PPP6R3: variants seen among roughly 807,000 people sequenced by gnomAD.
PPP6R3 encodes serine/threonine-protein phosphatase 6 regulatory subunit 3.
PPP6R3 carries 38 observed loss-of-function variants against 110.7 expected under a neutral mutation model. That is an observed-to-expected ratio of 0.34 (90% CI 0.26 to 0.45). The LOEUF is 0.45. PPP6R3 is among the 20% of genes least tolerant of loss of function. The probability of loss-of-function intolerance (pLI) is 1.00; values close to 1 mark genes in which losing one functional copy is unlikely to be tolerated. For missense variants in PPP6R3, 870 were observed against 1,062.4 expected, an observed-to-expected ratio of 0.82 and a Z score of 2.52; for synonymous variants, 369 against 373.5, an observed-to-expected ratio of 0.99 and a Z score of 0.14.
intron 22 of PPP6R3, among the ~76,000 whole-genome samples, chr11:68,604,006 GAGAAT>G (rs1207746752): frequency 6.6e-6 from 1 of 152,188 alleles, no homozygotes; most frequent in Non-Finnish European, 1.5e-5. Flanking sequence ...CTAAAACTGA[GAGAAT>G]AATGGGAAAA....
Position 68,545,042 on chromosome 11 carries a change from A to G in PPP6R3, c.414+18A>G, listed in dbSNP as rs776698774. 3.8e-6 allele frequency: 6 copies of G among 1,560,908 alleles called. No individual in the cohort carries two copies. Among genetic ancestry groups the G allele is most frequent in the Non-Finnish European group, 5.3e-6 (6 of 1,133,636 alleles). On this transcript the variant is annotated intron_variant, in intron 4 of 23. Coordinates refer to ENST00000393800, the MANE Select transcript of PPP6R3 (RefSeq NM_001164161.2). ...CAGAACAGGTAAATATGATTTTCCA[A>G]AAGGTAAGTATTAGGGCTGATCATC...
intron 14 of PPP6R3, among the ~76,000 whole-genome samples, chr11:68,580,420 T>G (rs2099548940): frequency 6.6e-6 from 1 of 152,142 alleles, no homozygotes; most frequent in Non-Finnish European, 1.5e-5. Flanking sequence ...GGAGGGAGAC[T>G]GGGGAACTGC....
chr11:68,542,387 C>CTTTTTTTTTTTT (rs1555132162), intron 3 of PPP6R3, among the ~76,000 whole-genome samples: 6 of 4,232 alleles, frequency 1.4e-3, no homozygotes, highest in African/African-American at 2.4e-3. Context: ...TGAGAAGCTG[C>CTTTTTTTTTTTT]TGTTTTTTTT....
At position 68,567,140 on chromosome 11, in the gene PPP6R3, G is replaced by A. The variant is rs1412302606; in HGVS notation, c.1102G>A (p.Glu368Lys). 6.4e-7 allele frequency: 1 copy of A among 1,550,402 alleles called. No homozygotes were observed. Among genetic ancestry groups the A allele is most frequent in the African/African-American group, 1.4e-5 (1 of 73,122 alleles). Residue 368 changes from glutamate to lysine, a missense_variant, in exon 10 of 24, where the codon GAG becomes AAG. By Grantham distance (56) the Glu-to-Lys change is moderately conservative. Coordinates refer to ENST00000393800, the MANE Select transcript of PPP6R3 (RefSeq NM_001164161.2). ...CAGCAGTATAAATGGGGACCTTATGGAGCTGAATAGCATTGGAGTCATATT... is the reference window on the plus strand; with the variant it reads ...CAGCAGTATAAATGGGGACCTTATGAAGCTGAATAGCATTGGAGTCATATT... ...NTSSINGDLM[E>K]LNSIGVILNM...
rs760840944 is a variant in PPP6R3, at chr11:68,615,233, CTGTG to C, written c.*2120_*2123del. On this transcript the variant is annotated 3_prime_UTR_variant, in exon 24 of 24. Transcript: ENST00000393800. ...CTCATTTTGTTTCTACTTTTAATTT[CTGTG>C]TGTTGGCCATACTGAATTATGAGAC... 2.6e-6 allele frequency: 1 copy of C among 381,716 alleles called. No individual in the cohort carries two copies. Among genetic ancestry groups the C allele is most frequent in the Non-Finnish European group, 5.2e-6 (1 of 191,724 alleles). 23.6% of individuals were successfully genotyped at this position (381,716 alleles called of 1,614,324 possible).
intron 9 of PPP6R3, among the ~76,000 whole-genome samples, chr11:68,564,752 C>A (rs181506716): frequency 6.6e-6 from 1 of 152,124 alleles, no homozygotes; most frequent in African/African-American, 2.4e-5. Context: ...CTTTCAGAAA[C>A]GGATCTTTGA....
chr11:68,536,754 A>G (rs936720320), intron 2 of PPP6R3, among the ~76,000 whole-genome samples: 1 of 152,314 alleles, frequency 6.6e-6, no homozygotes, highest in South Asian at 2.1e-4. Flanking sequence ...TTTGGGGGTT[A>G]CAGAGAGTCA....
At chr11:68,475,956 A>G (rs1217995212) in intron 1 of PPP6R3, among the ~76,000 whole-genome samples, 3 of 149,000 alleles carry the variant, frequency 2.0e-5, no homozygotes, top group African/African-American at 7.5e-5. Context: ...GCGGCCGGGA[A>G]GAGGCGCTCC....
At chr11:68,549,046 A>G (rs1476281056) in intron 5 of PPP6R3, among the ~76,000 whole-genome samples, 2 of 152,120 alleles carry the variant, frequency 1.3e-5, no homozygotes, top group Non-Finnish European at 2.9e-5. Flanking sequence ...GTCCGCCACC[A>G]CACCTGGCTA....
intron 14 of PPP6R3, among the ~76,000 whole-genome samples, chr11:68,579,968 A>C (rs2099547082): frequency 6.6e-6 from 1 of 152,224 alleles, no homozygotes; most frequent in African/African-American, 2.4e-5. Context: ...CCTTGTCATG[A>C]AACAATGCAT....
intron 4 of PPP6R3, among the ~76,000 whole-genome samples, chr11:68,546,919 C>T (rs1377823011): frequency 6.6e-6 from 1 of 152,120 alleles, no homozygotes; most frequent in Non-Finnish European, 1.5e-5. Context: ...CCTCTACTGT[C>T]CTTTTAAAAA....
chr11:68,472,005 A>G (rs1565233639), intron 1 of PPP6R3, among the ~76,000 whole-genome samples: 1 of 151,066 alleles, frequency 6.6e-6, no homozygotes, highest in East Asian at 1.9e-4. Flanking sequence ...AGAGAGGAGG[A>G]AGTATGACAT....
chr11:68,478,027 G>T (rs1180242130), intron 1 of PPP6R3, among the ~76,000 whole-genome samples: 2 of 151,210 alleles, frequency 1.3e-5, no homozygotes, highest in African/African-American at 4.9e-5. Context: ...TTGGCTCACT[G>T]CAACCTCTGC....
chr11:68,609,401 T>C (rs1220864365), intron 22 of PPP6R3: 35 of 708,422 alleles, frequency 4.9e-5, no homozygotes, highest in Non-Finnish European at 2.3e-5. Context: ...ATGGGGTCTG[T>C]CTTGCTGCTT....
chr11:68,538,550 A>G (rs1452971198), intron 3 of PPP6R3, among the ~76,000 whole-genome samples: 1 of 152,220 alleles, frequency 6.6e-6, no homozygotes, highest in Admixed American at 6.5e-5. Flanking sequence ...CAACTTCAGA[A>G]ACAAAAATTG....
At chr11:68,565,962 G>A (rs1465418493) in intron 9 of PPP6R3, among the ~76,000 whole-genome samples, 4 of 152,164 alleles carry the variant, frequency 2.6e-5, no homozygotes, top group Non-Finnish European at 5.9e-5. Flanking sequence ...TACTGATGTG[G>A]ATGGGGAGGG....
At position 68,476,325 on chromosome 11, in the gene PPP6R3, T is replaced by C. The variant is rs184579598; in HGVS notation, c.-158+15498T>C. On this transcript the variant is annotated intron_variant, in intron 1 of 23. Coordinates refer to ENST00000393800, the MANE Select transcript of PPP6R3 (RefSeq NM_001164161.2). ...AAAAAATACGAAAACCAGTCAGGCG[T>C]GGCGGCGCACGCCTGCAATCGCAGG... 4.3e-3 allele frequency among the ~76,000 whole-genome samples: 660 copies of C among 152,060 alleles called. 1 individual carries two copies. Among genetic ancestry groups the C allele is most frequent in the Middle Eastern group, 0.024 (7 of 294 alleles).
chr11:68,539,525 G>A (rs1346105593), intron 3 of PPP6R3, among the ~76,000 whole-genome samples: 1 of 152,238 alleles, frequency 6.6e-6, no homozygotes, highest in Non-Finnish European at 1.5e-5. Context: ...CACCACTTGA[G>A]TTGGATAGGG....
chr11:68,468,766 G>A, intron 1 of PPP6R3, among the ~76,000 whole-genome samples: 1 of 152,196 alleles, frequency 6.6e-6, no homozygotes, highest in East Asian at 1.9e-4. Context: ...CTGTGAATAT[G>A]AATATAACAT....
Sources: allele counts gnomAD v4.1 joint callset (sites outside exome capture counted in the v4.1 genomes callset), GRCh38; gene constraint gnomAD v4.1.1; transcripts MANE v1.5; gene names NCBI Gene and HGNC (gene_info 2026-07-23, HGNC 2026-07-21).